Variants in C10orf90 observed in about 807,000 individuals in gnomAD.
C10orf90 encodes (E2-independent) E3 ubiquitin-conjugating enzyme FATS.
In C10orf90, 56 loss-of-function variants were observed where a neutral mutation model predicts 62.5. That is an observed-to-expected ratio of 0.90 (90% CI 0.72 to 1.12). The LOEUF (loss-of-function observed/expected upper bound fraction) is 1.12, where lower values mean the gene tolerates loss of function less well. Ranked by LOEUF, C10orf90 falls within the 50% of genes most tolerant of loss-of-function variation. C10orf90 has a pLI of 0.00. For missense variants in C10orf90, 970 were observed against 880.4 expected (o/e 1.10, Z -1.29); for synonymous variants, 386 against 340.4 (o/e 1.13, Z -1.47).
chr10:126,546,110 C>T (rs987386554), intron 2 of C10orf90, among the ~76,000 whole-genome samples: 1 of 152,092 alleles, frequency 6.6e-6, no homozygotes, highest in Non-Finnish European at 1.5e-5. Flanking sequence ...ACAGAAAAAA[C>T]CCCAGGCAAA....
At position 126,504,924 on chromosome 10, in the gene C10orf90, G is replaced by A. The variant is rs770721715; in HGVS notation, c.567C>T (p.Ser189=). 7 of 1,614,098 alleles carry A rather than the reference G, an allele frequency of 4.3e-6. No individual in the cohort carries two copies. The highest frequency in any genetic ancestry group is 2.7e-5 in the African/African-American group (2 of 74,936). The change falls in exon 4 of 10, where the codon AGC becomes AGT. Residue 189 remains serine (S), a synonymous_variant. Coordinates refer to ENST00000488181, the MANE Select transcript of C10orf90 (RefSeq NM_001350921.2). This position sits in a 1 kb window ranked among gnomAD's most constrained non-coding sequence, Gnocchi z 4.1. ...CAAATGCTCTGTGAATGTTGACTCCGCTGCGGTTAGCCAGAGATTGCTTGG... is the reference window on the plus strand; with the variant it reads ...CAAATGCTCTGTGAATGTTGACTCCACTGCGGTTAGCCAGAGATTGCTTGG... The part of the protein sequence containing the change: ...HHAKQSLANR[S]GVNIHRAFAL...
intron 2 of C10orf90, among the ~76,000 whole-genome samples, chr10:126,563,614 C>A (rs1864953543): frequency 6.6e-6 from 1 of 152,180 alleles, no homozygotes; most frequent in South Asian, 2.1e-4. Context: ...ACATTGATGG[C>A]TGTGATAGAG....
intron 2 of C10orf90, chr10:126,520,420 A>G (rs1591062644): frequency 6.6e-6 from 1 of 152,352 alleles, no homozygotes; most frequent in Admixed American, 6.5e-5. Context: ...CAAGGAGCCC[A>G]GGTTAGAAAT....
At chr10:126,439,891 G>A (rs148187662) in intron 7 of C10orf90, among the ~76,000 whole-genome samples, 44 of 152,220 alleles carry the variant, frequency 2.9e-4, no homozygotes, top group African/African-American at 6.5e-4. Flanking sequence ...AGGTAGCAGC[G>A]GGAAAGGCCC....
intron 4 of C10orf90, among the ~76,000 whole-genome samples, chr10:126,502,327 T>C (rs1456682857): frequency 6.6e-6 from 1 of 152,270 alleles, no homozygotes; most frequent in Non-Finnish European, 1.5e-5. Context: ...GAATGAAGCC[T>C]CATGGCTTAA....
Position 126,439,531 on chromosome 10 carries a change from T to C in C10orf90, c.2189-9681A>G, listed in dbSNP as rs929105975. ...TTCAAAATAATTGTTTTAAGGAAGCTGATCCAACTATAAGAGAACACAGAA... is the reference window on the plus strand; with the variant it reads ...TTCAAAATAATTGTTTTAAGGAAGCCGATCCAACTATAAGAGAACACAGAA... On this transcript the variant is annotated intron_variant, in intron 7 of 9. Coordinates refer to ENST00000488181, the MANE Select transcript of C10orf90 (RefSeq NM_001350921.2). 9.2e-5 allele frequency among the ~76,000 whole-genome samples: 14 copies of C among 152,012 alleles called. 1 individual carries two copies. Among genetic ancestry groups the C allele is most frequent in the Admixed American group, 3.3e-4 (5 of 15,262 alleles).
At chr10:126,642,699 C>T (rs1220495532) in intron 2 of C10orf90, among the ~76,000 whole-genome samples, 2 of 152,134 alleles carry the variant, frequency 1.3e-5, no homozygotes, top group Admixed American at 6.5e-5. Context: ...CTCATACCAC[C>T]CTCGTGTACA....
At chr10:126,558,157 C>G (rs1262143945) in intron 2 of C10orf90, among the ~76,000 whole-genome samples, 1 of 152,138 alleles carries the variant, frequency 6.6e-6, no homozygotes, top group Non-Finnish European at 1.5e-5. Context: ...TTCATTCATC[C>G]CAACTGCTAA....
At chr10:126,587,945 T>G (rs1844906462) in intron 2 of C10orf90, among the ~76,000 whole-genome samples, 1 of 152,144 alleles carries the variant, frequency 6.6e-6, no homozygotes, top group Non-Finnish European at 1.5e-5. Flanking sequence ...ATGCATTCCC[T>G]TAGGAAGGGG....
intron 1 of C10orf90, among the ~76,000 whole-genome samples, chr10:126,653,830 G>T (rs181556969): frequency 6.6e-6 from 1 of 152,180 alleles, no homozygotes; most frequent in Admixed American, 6.5e-5. Flanking sequence ...CTTGAATGTC[G>T]AAATTAATTC....
intron 7 of C10orf90, among the ~76,000 whole-genome samples, chr10:126,435,735 T>G (rs1857874595): frequency 6.6e-6 from 1 of 152,152 alleles, no homozygotes; most frequent in Non-Finnish European, 1.5e-5. Context: ...GCTCTATCTC[T>G]TGGATCCAAG....
At chr10:126,605,821 G>A (rs1405206794) in intron 2 of C10orf90, among the ~76,000 whole-genome samples, 4 of 152,024 alleles carry the variant, frequency 2.6e-5, no homozygotes, top group Admixed American at 1.3e-4. Context: ...CCTGGAAAAG[G>A]CATGTCATGA....
chr10:126,568,405 C>T (rs948084220), intron 2 of C10orf90, among the ~76,000 whole-genome samples: 1 of 152,160 alleles, frequency 6.6e-6, no homozygotes, highest in African/African-American at 2.4e-5. Flanking sequence ...ATGCTGTCTG[C>T]TCCTAGGGGT....
chr10:126,477,878 G>A (rs1860972243), intron 4 of C10orf90, among the ~76,000 whole-genome samples: 1 of 152,178 alleles, frequency 6.6e-6, no homozygotes, highest in South Asian at 2.1e-4. Flanking sequence ...AAGCACCCAG[G>A]TACATCTGAT....
chr10:126,610,760 T>C (rs1388739597), intron 2 of C10orf90, among the ~76,000 whole-genome samples: 2 of 152,188 alleles, frequency 1.3e-5, no homozygotes, highest in African/African-American at 4.8e-5. Context: ...TATCTATAGC[T>C]ATCATCAAAC....
chr10:126,602,674 T>C (rs1406617152), intron 2 of C10orf90, among the ~76,000 whole-genome samples: 2 of 151,974 alleles, frequency 1.3e-5, no homozygotes, highest in African/African-American at 2.4e-5. Context: ...TTTGCTCTGA[T>C]AGTAGAGGCA....
Position 126,563,821 on chromosome 10 carries a change from G to A in C10orf90, c.314-49882C>T, listed in dbSNP as rs114582245. On this transcript the variant is annotated intron_variant, in intron 2 of 9. Transcript: ENST00000488181. ...CTGCACTCATTAACCAACACCGACC[G>A]AGGATCAGCCAGTAGCAGCCCTGCC... 2.5e-3 allele frequency among the ~76,000 whole-genome samples: 381 copies of A among 152,276 alleles called. 1 individual carries two copies. The highest frequency in any genetic ancestry group is 8.6e-3 in the African/African-American group (358 of 41,550).
At chr10:126,499,965 G>A (rs1564835859) in intron 4 of C10orf90, among the ~76,000 whole-genome samples, 1 of 152,206 alleles carries the variant, frequency 6.6e-6, no homozygotes, top group Admixed American at 6.5e-5. Flanking sequence ...AGTCAATAGT[G>A]AGTCAGGCAT....
chr10:126,506,371 C>T (rs781164226), intron 3 of C10orf90, among the ~76,000 whole-genome samples: 19 of 152,242 alleles, frequency 1.2e-4, no homozygotes, highest in African/African-American at 1.7e-4. Context: ...CCCGTTTAGA[C>T]GTTCATTATG....
Sources: allele counts gnomAD v4.1 joint callset (sites outside exome capture counted in the v4.1 genomes callset), GRCh38; gene constraint gnomAD v4.1.1; non-coding constraint Gnocchi (gnomAD v3.1); transcripts MANE v1.5; gene names NCBI Gene and HGNC (gene_info 2026-07-23, HGNC 2026-07-21).